Variants in ATRNL1 observed in about 807,000 individuals in gnomAD.
The protein encoded by ATRNL1 is attractin-like protein 1.
Under a neutral mutation model 182.7 loss-of-function variants are expected in ATRNL1, and 95 were observed. That is an observed-to-expected ratio of 0.52 (90% CI 0.44 to 0.62). The LOEUF is 0.62. Ranked by LOEUF, ATRNL1 falls within the 20% of genes least tolerant of loss-of-function variation. The pLI, the probability that ATRNL1 is intolerant of heterozygous loss-of-function variation, is 0.00. For missense variants in ATRNL1, 1,471 were observed against 1,679.5 expected (o/e 0.88, Z 2.17); for synonymous variants, 576 against 568.3 (o/e 1.01, Z -0.19).
At chr10:115,116,290 T>C (rs1844482010) in intron 1 of ATRNL1, among the ~76,000 whole-genome samples, 1 of 152,108 alleles carries the variant, frequency 6.6e-6, no homozygotes, top group Non-Finnish European at 1.5e-5. Flanking sequence ...TAAAAAAAAG[T>C]TGTTTGAAAC....
In ATRNL1 at chr10:115,762,029, T is replaced by C. The variant is rs148499707; in HGVS notation, c.3903+34674T>C. 3.7e-3 allele frequency among the ~76,000 whole-genome samples: 558 copies of C among 152,256 alleles called. 5 individuals carry two copies. Among genetic ancestry groups the C allele is most frequent in the African/African-American group, 0.013 (521 of 41,558 alleles). On this transcript the variant is annotated intron_variant, in intron 27 of 28. Transcript: ENST00000355044. ...TAAGATCACAATAAACATCTCCAAA[T>C]TATGTAAAAAAGAAATTGGCCATTG...
intron 5 of ATRNL1, among the ~76,000 whole-genome samples, chr10:115,150,634 A>C (rs1846181348): frequency 6.6e-6 from 1 of 152,006 alleles, no homozygotes; most frequent in South Asian, 2.1e-4. Context: ...ATGTATTTGT[A>C]CAGTTTCCAA....
intron 10 of ATRNL1, 152 bp downstream of exon 10, chr10:115,241,877 G>C (rs1405117103): frequency 6.1e-6 from 4 of 659,142 alleles, no homozygotes; most frequent in Non-Finnish European, 9.8e-6. Context: ...CAGCACAGTA[G>C]TATTATAGTA....
At chr10:115,198,983 T>C (rs1475179593) in intron 8 of ATRNL1, among the ~76,000 whole-genome samples, 6 of 152,240 alleles carry the variant, frequency 3.9e-5, no homozygotes, top group Admixed American at 2.6e-4. Context: ...CTTAGCTCTT[T>C]GGGGCTTTTT....
intron 15 of ATRNL1, among the ~76,000 whole-genome samples, chr10:115,290,184 G>T (rs1327348716): frequency 1.3e-5 from 2 of 151,602 alleles, no homozygotes; most frequent in Non-Finnish European, 2.9e-5. Flanking sequence ...TTTGTGTATA[G>T]AAGTGCTACC....
Position 115,196,738 on chromosome 10 carries a change from A to C in ATRNL1, c.1349-18959A>C, listed in dbSNP as rs76183226. Among the ~76,000 whole-genome samples, 152 of 152,208 alleles carry C rather than the reference A, an allele frequency of 1.0e-3. 4 individuals carry two copies. The East Asian group carries it at 0.024, about 24-fold the overall frequency. On this transcript the variant is annotated intron_variant, in intron 8 of 28. Transcript: ENST00000355044. ...TGATTGCTAGTCTATGTAAAAATTC[A>C]TTTTCAAATATGGGTTTGGTCATGC...
chr10:115,900,580 A>G (rs1265215633), intron 28 of ATRNL1, among the ~76,000 whole-genome samples: 1 of 151,618 alleles, frequency 6.6e-6, no homozygotes, highest in Non-Finnish European at 1.5e-5. Flanking sequence ...AATGCAGCTA[A>G]TTTCACAACA....
At chr10:115,227,541 A>G (rs1433441009) in intron 9 of ATRNL1, among the ~76,000 whole-genome samples, 1 of 152,180 alleles carries the variant, frequency 6.6e-6, no homozygotes, top group Admixed American at 6.5e-5. Context: ...CTACCATTTG[A>G]CCCAGCAATC....
At chr10:115,200,928 T>C (rs1228891917) in intron 8 of ATRNL1, among the ~76,000 whole-genome samples, 1 of 150,958 alleles carries the variant, frequency 6.6e-6, no homozygotes, top group Non-Finnish European at 1.5e-5. Context: ...TTCTAACTGG[T>C]GTGAGATGGT....
intron 28 of ATRNL1, among the ~76,000 whole-genome samples, chr10:115,886,999 T>G (rs1477526402): frequency 6.6e-6 from 1 of 152,242 alleles, no homozygotes; most frequent in Admixed American, 6.5e-5. Context: ...AGTAGTACAT[T>G]CGTTCTAGTT....
intron 5 of ATRNL1, among the ~76,000 whole-genome samples, chr10:115,129,950 A>T (rs976287041): frequency 8.5e-5 from 13 of 152,178 alleles, no homozygotes; most frequent in Admixed American, 8.5e-4. Context: ...TATGAAACTT[A>T]TTTCTTAGGA....
At chr10:115,346,689 G>A (rs369600704) in intron 19 of ATRNL1, among the ~76,000 whole-genome samples, 4 of 151,774 alleles carry the variant, frequency 2.6e-5, no homozygotes, top group East Asian at 3.9e-4. Flanking sequence ...TATCTTCCTT[G>A]GAGAAATGTC....
In ATRNL1 at chr10:115,241,692, T is replaced by C. The variant is rs1850429551; in HGVS notation, c.1654T>C (p.Cys552Arg). The C allele has an allele frequency of 6.2e-7, 1 of 1,610,966 alleles. No individual in the cohort carries two copies. Among genetic ancestry groups the C allele is most frequent in the Non-Finnish European group, 8.5e-7 (1 of 1,177,936 alleles). Residue 552 changes from cysteine (C) to arginine (R), a missense_variant, in exon 10 of 29, where the codon TGT (cysteine) becomes CGT (arginine). By Grantham distance (180) the Cys-to-Arg change is radical. Coordinates refer to ENST00000355044, the MANE Select transcript of ATRNL1 (RefSeq NM_207303.4). Reference protein sequence around the residue: ...NDTSLSNGAKCFSADFLAYDI... With the variant: ...NDTSLSNGAKRFSADFLAYDI... ...CACTTCCTTGAGTAACGGTGCAAAA[T>C]GTTTTTCTGCCGATTTCCTGGCATA... is the stretch of plus-strand genomic sequence containing the variant.
At chr10:115,498,224 G>A (rs1312865905) in intron 24 of ATRNL1, among the ~76,000 whole-genome samples, 1 of 151,708 alleles carries the variant, frequency 6.6e-6, no homozygotes, top group Non-Finnish European at 1.5e-5. Flanking sequence ...TTATTATTTT[G>A]CCTAATATAC....
intron 19 of ATRNL1, among the ~76,000 whole-genome samples, chr10:115,389,555 T>TATAG (rs1843887963): frequency 1.3e-5 from 1 of 76,320 alleles, no homozygotes; most frequent in Non-Finnish European, 3.1e-5. Flanking sequence ...TATATATATA[T>TATAG]ATATATATAT....
intron 8 of ATRNL1, among the ~76,000 whole-genome samples, chr10:115,195,830 A>C (rs115028248): frequency 1.2e-3 from 180 of 152,166 alleles, no homozygotes; most frequent in African/African-American, 4.1e-3. Flanking sequence ...TTATTATTTT[A>C]AAAAATGTCT....
intron 26 of ATRNL1, among the ~76,000 whole-genome samples, chr10:115,559,443 T>TGTGTGTGCGC (rs200694810): frequency 3.0e-4 from 23 of 77,860 alleles, no homozygotes; most frequent in African/African-American, 7.9e-4. Context: ...TGTGTGTGTG[T>TGTGTGTGCGC]GCGCGCGCGC....
chr10:115,864,798 C>T (rs546537794), intron 28 of ATRNL1, among the ~76,000 whole-genome samples: 6 of 151,980 alleles, frequency 3.9e-5, no homozygotes, highest in African/African-American at 1.2e-4. Flanking sequence ...CCGGCTAACA[C>T]GATGAAACCC....
chr10:115,688,922 T>C (rs912607150), intron 26 of ATRNL1, among the ~76,000 whole-genome samples: 2 of 152,188 alleles, frequency 1.3e-5, no homozygotes, highest in Non-Finnish European at 2.9e-5. Flanking sequence ...AGTAGTTTTA[T>C]AGTTTTGGGT....
Sources: allele counts gnomAD v4.1 joint callset (sites outside exome capture counted in the v4.1 genomes callset), GRCh38; gene constraint gnomAD v4.1.1; transcripts MANE v1.5; gene names NCBI Gene and HGNC (gene_info 2026-07-23, HGNC 2026-07-21).